PDLIM1: variants seen among roughly 807,000 people sequenced by gnomAD.
PDLIM1 encodes the protein PDZ and LIM domain protein 1.
In PDLIM1, 25 loss-of-function variants were observed where a neutral mutation model predicts 35.2. The observed-to-expected ratio is 0.71, with a 90% confidence interval of 0.52 to 0.99. The LOEUF is 0.99. Ranked by LOEUF, PDLIM1 falls within the 50% of genes least tolerant of loss-of-function variation. PDLIM1 has a pLI of 0.00. For missense variants in PDLIM1, 363 were observed against 415.3 expected, an observed-to-expected ratio of 0.87 and a Z score of 1.09; for synonymous variants, 152 against 154.0, an observed-to-expected ratio of 0.99 and a Z score of 0.10.
chr10:95,266,426 T>C (rs1191222435), intron 3 of PDLIM1, among the ~76,000 whole-genome samples: 1 of 152,170 alleles, frequency 6.6e-6, no homozygotes, highest in Non-Finnish European at 1.5e-5. Flanking sequence ...TCCATCACCA[T>C]GGCAATTCCT....
intron 2 of PDLIM1, among the ~76,000 whole-genome samples, chr10:95,271,288 T>C (rs1206376976): frequency 6.6e-6 from 1 of 151,396 alleles, no homozygotes; most frequent in African/African-American, 2.4e-5. Flanking sequence ...AATACAAAAA[T>C]TTGCTGGGTG....
chr10:95,259,467 G>A (rs1261392924), intron 4 of PDLIM1, among the ~76,000 whole-genome samples: 3 of 152,072 alleles, frequency 2.0e-5, no homozygotes, highest in African/African-American at 7.2e-5. Flanking sequence ...CGCCATTCTG[G>A]GAAACCCTAT....
At position 95,290,172 on chromosome 10, in the gene PDLIM1, T is replaced by G. The variant is rs1192574555; in HGVS notation, c.96+648A>C. Among the ~76,000 whole-genome samples, 1 of 152,074 alleles carries G rather than the reference T, an allele frequency of 6.6e-6. No homozygotes were observed. Among genetic ancestry groups the G allele is most frequent in the Non-Finnish European group, 1.5e-5 (1 of 68,010 alleles). ...GTGCGGGGAGGGGAAAGAGATAATC[T>G]GGGAATGCTAGGAAGAATGACGGCG... is the stretch of plus-strand genomic sequence containing the variant. On this transcript the variant is annotated intron_variant, in intron 1 of 6. Coordinates refer to ENST00000329399, the MANE Select transcript of PDLIM1 (RefSeq NM_020992.4). The surrounding 1 kb of genome is among the most constrained non-coding windows in gnomAD (Gnocchi z 4.7).
chr10:95,274,297 T>TC (rs2035492950), intron 1 of PDLIM1, among the ~76,000 whole-genome samples: 2 of 150,744 alleles, frequency 1.3e-5, no homozygotes. Flanking sequence ...GTCATCCTTT[T>TC]TTTTTTTTTT....
chr10:95,238,424 G>A (rs1214697238), intron 6 of PDLIM1, 144 bp downstream of exon 6: 15 of 668,884 alleles, frequency 2.2e-5, no homozygotes, highest in Non-Finnish European at 3.8e-5. Context: ...TGGGACACAG[G>A]ACCTTTCTGG....
chr10:95,244,881 C>T (rs2035206675), intron 5 of PDLIM1, among the ~76,000 whole-genome samples: 1 of 152,116 alleles, frequency 6.6e-6, no homozygotes, highest in Non-Finnish European at 1.5e-5. Flanking sequence ...GCCTGGGCAA[C>T]AGAGCAAGAC....
At chr10:95,272,138 C>A in intron 1 of PDLIM1, among the ~76,000 whole-genome samples, 1 of 152,074 alleles carries the variant, frequency 6.6e-6, no homozygotes, top group South Asian at 2.1e-4. Context: ...AGGAAACAAA[C>A]CCCGAACAGA....
chr10:95,239,312 C>G (rs138777524), intron 5 of PDLIM1, among the ~76,000 whole-genome samples: 1 of 152,082 alleles, frequency 6.6e-6, no homozygotes, highest in South Asian at 2.1e-4. Flanking sequence ...GATGAAAACC[C>G]GAAAAGCAAT....
In PDLIM1 at chr10:95,237,746, A is replaced by G; in HGVS notation, c.*179T>C. On this transcript the variant is annotated 3_prime_UTR_variant, in exon 7 of 7. Coordinates refer to ENST00000329399, the MANE Select transcript of PDLIM1 (RefSeq NM_020992.4). Reference sequence around the variant, plus strand: ...AAAACAGTTTTCCTTTAATTGTAAAAGCGGGCATCGCACAGCTGGTGTGAG... The same window carrying G: ...AAAACAGTTTTCCTTTAATTGTAAAGGCGGGCATCGCACAGCTGGTGTGAG... 1.7e-6 allele frequency: 1 copy of G among 580,902 alleles called. No individual in the cohort carries two copies. The highest frequency in any genetic ancestry group is 2.3e-5 in the South Asian group (1 of 42,916). 36.0% of individuals were successfully genotyped at this position (580,902 alleles called of 1,614,324 possible).
At chr10:95,251,009 C>G (rs928135540) in intron 4 of PDLIM1, among the ~76,000 whole-genome samples, 1 of 152,192 alleles carries the variant, frequency 6.6e-6, no homozygotes, top group Non-Finnish European at 1.5e-5. Flanking sequence ...AGAAACTCCC[C>G]TTGAGCCCAC....
intron 5 of PDLIM1, chr10:95,238,905 GC>G (rs2035150462): frequency 2.2e-6 from 1 of 464,050 alleles, no homozygotes; most frequent in Non-Finnish European, 3.9e-6. Flanking sequence ...AGCCCAAAAA[GC>G]CAAGACAATC....
rs766224079 is a variant in PDLIM1 at position 95,237,968 on chromosome 10, G to A, written c.947C>T (p.Thr316Ile). ...YCEKHARERV[T>I]PPEGYEVVTV... ...GACCACTTCATAACCCTCAGGTGGT[G>A]TGACTCGCTCCCGGGCATGCTTCTC... Residue 316 changes from threonine to isoleucine, a missense_variant, in exon 7 of 7, where the codon ACA becomes ATA. Coordinates refer to ENST00000329399, the MANE Select transcript of PDLIM1 (RefSeq NM_020992.4). 3 of 1,614,106 alleles carry A rather than the reference G, an allele frequency of 1.9e-6. No individual in the cohort carries two copies. In the East Asian group the frequency reaches 6.7e-5, roughly 36 times the overall value.
rs759753480 is a variant in PDLIM1 at position 95,290,815 on chromosome 10, C to G, written c.96+5G>C. ...CGCTTCCACGCACGTCCCAGCTGCTCTTACCCGGGAAATGGCGAGAGGCTG... is the reference window on the plus strand; with the variant it reads ...CGCTTCCACGCACGTCCCAGCTGCTGTTACCCGGGAAATGGCGAGAGGCTG... On this transcript the variant is annotated splice_donor_5th_base_variant and intron_variant, in intron 1 of 6. Transcript: ENST00000329399. This position sits in a 1 kb window ranked among gnomAD's most constrained non-coding sequence, Gnocchi z 4.7. The G allele has an allele frequency of 6.5e-7, 1 of 1,549,502 alleles. No homozygotes were observed. Among genetic ancestry groups the G allele is most frequent in the South Asian group, 1.2e-5 (1 of 85,212 alleles).
At chr10:95,265,385 C>T (rs933750227) in intron 3 of PDLIM1, among the ~76,000 whole-genome samples, 3 of 150,270 alleles carry the variant, frequency 2.0e-5, no homozygotes, top group African/African-American at 7.3e-5. Flanking sequence ...ACCTGAGGTC[C>T]GGAGTTCAAG....
At chr10:95,241,550 C>A (rs1316380071) in intron 5 of PDLIM1, among the ~76,000 whole-genome samples, 1 of 152,168 alleles carries the variant, frequency 6.6e-6, no homozygotes. Flanking sequence ...TGCTGCTGAA[C>A]ATCCCAAAAT....
chr10:95,251,219 T>C (rs2035264921), intron 4 of PDLIM1, among the ~76,000 whole-genome samples: 1 of 146,334 alleles, frequency 6.8e-6, no homozygotes, highest in Non-Finnish European at 1.5e-5. Context: ...GTGCCCAGAG[T>C]GAGGATATAA....
intron 1 of PDLIM1, among the ~76,000 whole-genome samples, chr10:95,277,298 C>T (rs1213262327): frequency 6.6e-6 from 1 of 151,796 alleles, no homozygotes; most frequent in Non-Finnish European, 1.5e-5. Context: ...AGAGACCATA[C>T]AACTAGATCA....
rs2035387822 is a variant in PDLIM1 at position 95,263,893 on chromosome 10, A to C, written c.504T>G (p.Ala168=). The C allele has an allele frequency of 8.1e-6, 13 of 1,613,836 alleles. No individual in the cohort carries two copies. In the East Asian group the frequency reaches 2.9e-4, roughly 36 times the overall value. The part of the protein sequence containing the change: ...NFNNALESKT[A]ASGVEANSRP... The stretch of plus-strand genomic sequence containing the variant: ...TGCTGTTCGCCTCCACCCCGCTGGC[A>C]GCAGTCTTTGACTCCAGGGCATTGT... The change falls in exon 4 of 7, where the codon GCT becomes GCG. Residue 168 remains alanine (A), a synonymous_variant. Transcript: ENST00000329399.
In PDLIM1 at chr10:95,271,765, G is replaced by T. The variant is rs376529780; in HGVS notation, c.116C>A (p.Ala39Glu). 3.7e-6 allele frequency: 6 copies of T among 1,611,550 alleles called. No homozygotes were observed. Among genetic ancestry groups the T allele is most frequent in the Non-Finnish European group, 5.1e-6 (6 of 1,179,182 alleles). ...AISRVTPGSK[A>E]ALANLCIGDV... Reference sequence around the variant, plus strand: ...TCCAATACATAAATTAGCTAGAGCCGCCTTGCTTCCAGGAGTGACCTAGAA... The same window carrying T: ...TCCAATACATAAATTAGCTAGAGCCTCCTTGCTTCCAGGAGTGACCTAGAA... The change falls in exon 2 of 7, where the codon GCG (alanine) becomes GAG (glutamate). Residue 39 changes from alanine (A) to glutamate (E), a missense_variant. Physicochemically the swap from Ala to Glu is moderately radical, Grantham distance 107. Coordinates refer to ENST00000329399, the MANE Select transcript of PDLIM1 (RefSeq NM_020992.4).
Sources: gnomAD v4.1 joint callset for allele counts (sites outside exome capture counted in the v4.1 genomes callset) on GRCh38, gnomAD v4.1.1 for gene constraint, Gnocchi (gnomAD v3.1) non-coding constraint, MANE v1.5 for transcripts, NCBI Gene and HGNC (gene_info 2026-07-23, HGNC 2026-07-21) for gene names.